The following SLC17A1 variants were observed in gnomAD, a reference collection of about 807,000 sequenced individuals.
The protein encoded by SLC17A1 is sodium-dependent phosphate transport protein 1.
A neutral mutation model predicts 53.5 loss-of-function variants in SLC17A1; 51 were observed. That is an observed-to-expected ratio of 0.95 (90% CI 0.76 to 1.20). The LOEUF (loss-of-function observed/expected upper bound fraction) is 1.20. SLC17A1 is among the 50% of genes most tolerant of loss of function. The pLI is 0.00. For missense variants in SLC17A1, 538 were observed against 568.2 expected (o/e 0.95, Z 0.54); for synonymous variants, 179 against 198.8 (o/e 0.90, Z 0.84).
chr6:25,726,176 G>A, the SLC17A1 span: 1 of 1,581,542 alleles, frequency 6.3e-7, no homozygotes, highest in Non-Finnish European at 8.6e-7. Context: ...GTCTTCTTGG[G>A]CAGCAGCACT....
rs542522241 is a variant in SLC17A1, at chr6:25,784,349, T to C, written c.*3-1131A>G. Among the ~76,000 whole-genome samples, 5 of 152,318 alleles carry C rather than the reference T, an allele frequency of 3.3e-5. No individual in the cohort carries two copies. In the East Asian group the frequency reaches 5.8e-4, roughly 18 times the overall value. On this transcript the variant is annotated intron_variant, in intron 12 of 12. Coordinates refer to ENST00000244527, the MANE Select transcript of SLC17A1 (RefSeq NM_005074.5). Reference sequence around the variant, plus strand: ...AAGAAAAGAGGTTTATTTTGGCTTATGGTTCTGCAGGCTGTACAAGAAGCA... The same window carrying C: ...AAGAAAAGAGGTTTATTTTGGCTTACGGTTCTGCAGGCTGTACAAGAAGCA...
chr6:25,824,396 A>AAAAT (rs1321270201), intron 3 of SLC17A1, among the ~76,000 whole-genome samples: 1 of 151,894 alleles, frequency 6.6e-6, no homozygotes, highest in Admixed American at 6.6e-5. Flanking sequence ...ATGCCATTAA[A>AAAAT]AAATAAATAA....
the SLC17A1 span, chr6:25,726,833 A>G: frequency 6.7e-7 from 1 of 1,499,888 alleles, no homozygotes; most frequent in Non-Finnish European, 9.0e-7. Flanking sequence ...TTAATACTGA[A>G]GAGCTGTTGA....
chr6:25,731,985 A>C, the SLC17A1 span: 894 of 1,580,504 alleles, frequency 5.7e-4, no homozygotes, highest in Non-Finnish European at 7.1e-4. Flanking sequence ...CATGATACTC[A>C]TGGCCTTGGA....
chr6:25,821,664 T>C (rs1764566927), intron 3 of SLC17A1, among the ~76,000 whole-genome samples: 1 of 152,152 alleles, frequency 6.6e-6, no homozygotes, highest in South Asian at 2.1e-4. Flanking sequence ...CACAGCAGAA[T>C]GTAGAAAATA....
intron 2 of SLC17A1, among the ~76,000 whole-genome samples, chr6:25,827,132 T>A (rs1027252145): frequency 6.6e-6 from 1 of 152,126 alleles, no homozygotes; most frequent in African/African-American, 2.4e-5. Flanking sequence ...AGTTCATTGA[T>A]GGAAGAAAGT....
the SLC17A1 span, chr6:25,726,870 G>A: frequency 2.5e-6 from 4 of 1,575,524 alleles, no homozygotes; most frequent in East Asian, 2.2e-5. Context: ...TGTAACCCTG[G>A]AAAAGAACCG....
At chr6:25,780,402 G>A (rs1763237863), downstream of SLC17A1, 1 of 152,156 alleles carries the variant, frequency 6.6e-6, no homozygotes, top group Non-Finnish European at 1.5e-5. Context: ...TGTAAGGAAG[G>A]GCCACCCCTG....
At chr6:25,767,780 C>T in the SLC17A1 span, among the ~76,000 whole-genome samples, 59 of 152,004 alleles carry the variant, frequency 3.9e-4, no homozygotes, top group Non-Finnish European at 7.1e-4. Flanking sequence ...ATTAAATTAC[C>T]CAGGAGAATG....
At chr6:25,743,821 T>C in the SLC17A1 span, among the ~76,000 whole-genome samples, 2 of 152,188 alleles carry the variant, frequency 1.3e-5, no homozygotes, top group Non-Finnish European at 2.9e-5. Context: ...AACCACATGC[T>C]TTCAGAAAAT....
the SLC17A1 span, chr6:25,770,149 C>G: frequency 6.2e-7 from 1 of 1,614,058 alleles, no homozygotes; most frequent in Non-Finnish European, 8.5e-7. Context: ...GCTCCAATCC[C>G]CAGTGGCTAT....
the SLC17A1 span, among the ~76,000 whole-genome samples, chr6:25,739,522 C>T: frequency 4.6e-5 from 7 of 151,966 alleles, no homozygotes; most frequent in Non-Finnish European, 1.0e-4. Flanking sequence ...AATAGGTAAG[C>T]CTTAGAACAA....
At chr6:25,770,582 T>C in the SLC17A1 span, 2 of 1,004,102 alleles carry the variant, frequency 2.0e-6, no homozygotes, top group Non-Finnish European at 3.1e-6. Context: ...TCATAGTCCT[T>C]TCCTTAAAGC....
At chr6:25,826,346 G>T in intron 3 of SLC17A1, 115 bp downstream of exon 3, 1 of 802,186 alleles carries the variant, frequency 1.2e-6, no homozygotes, top group Non-Finnish European at 1.9e-6. Context: ...GGTAGATGAA[G>T]ACTTGAGCTT....
intron 6 of SLC17A1, among the ~76,000 whole-genome samples, chr6:25,814,995 A>T (rs879621370): frequency 0.18 from 10,479 of 58,894 alleles, 431 homozygotes; most frequent in African/African-American, 0.25. Context: ...ACACAAACAC[A>T]CACACACACA....
chr6:25,819,952 A>C (rs756371960), intron 3 of SLC17A1, 37 bp from the exon 4 acceptor site: 27 of 1,381,444 alleles, frequency 2.0e-5, no homozygotes, highest in Admixed American at 1.2e-4. Context: ...ATCACTCTGC[A>C]TATCAGAAAT....
At chr6:25,741,272 A>G in the SLC17A1 span, among the ~76,000 whole-genome samples, 5 of 152,140 alleles carry the variant, frequency 3.3e-5, no homozygotes, top group South Asian at 4.2e-4. Context: ...TCACATTGTT[A>G]AAGTATACAA....
chr6:25,735,073 A>G, the SLC17A1 span, among the ~76,000 whole-genome samples: 2 of 152,222 alleles, frequency 1.3e-5, no homozygotes, highest in Non-Finnish European at 2.9e-5. Context: ...CAATGTAGTA[A>G]TTGCAGCTGC....
intron 10 of SLC17A1, among the ~76,000 whole-genome samples, chr6:25,801,632 T>C (rs1399509681): frequency 6.6e-6 from 1 of 152,216 alleles, no homozygotes; most frequent in Non-Finnish European, 1.5e-5. Context: ...TTTCCTGCCC[T>C]GTAGATTTCA....
Sources: allele counts gnomAD v4.1 joint callset (sites outside exome capture counted in the v4.1 genomes callset), GRCh38; gene constraint gnomAD v4.1.1; transcripts MANE v1.5; gene names NCBI Gene and HGNC (gene_info 2026-07-23, HGNC 2026-07-21).